The following PYGL variants were observed in gnomAD, a reference collection of about 807,000 sequenced individuals.
The protein encoded by PYGL is glycogen phosphorylase L, also known as glycogen phosphorylase, liver form.
A neutral mutation model predicts 100.1 loss-of-function variants in PYGL; 90 were observed. The ratio of observed to expected loss-of-function variants is 0.90; its 90% CI spans 0.76 to 1.07. PYGL has a LOEUF of 1.07. Ranked by LOEUF, PYGL falls within the 50% of genes least tolerant of loss-of-function variation. The probability of loss-of-function intolerance (pLI) is 0.00; values close to 1 mark genes in which losing one functional copy is unlikely to be tolerated. For synonymous variants in PYGL, 373 were observed against 393.0 expected (o/e 0.95, Z 0.60); for missense variants, 1,016 against 1,057.6 (o/e 0.96, Z 0.55).
chr14:50,936,506 CG>C (rs1317609465), intron 2 of PYGL, among the ~76,000 whole-genome samples: 1 of 152,204 alleles, frequency 6.6e-6, no homozygotes, highest in Non-Finnish European at 1.5e-5. Context: ...ATTCTAAAAA[CG>C]TAAGTCTAAA....
intron 17 of PYGL, 43 bp downstream of exon 17, chr14:50,909,852 G>C (rs370898666): frequency 6.2e-7 from 1 of 1,603,570 alleles, no homozygotes; most frequent in Non-Finnish European, 8.5e-7. Context: ...CCTTCTAGGG[G>C]GGAGGGGCAG....
At chr14:50,942,066 T>C (rs1193840248) in intron 1 of PYGL, among the ~76,000 whole-genome samples, 4 of 152,220 alleles carry the variant, frequency 2.6e-5, no homozygotes, top group African/African-American at 7.2e-5. Context: ...TGCACAGTTA[T>C]TGGAGAGCAA....
intron 16 of PYGL, among the ~76,000 whole-genome samples, chr14:50,910,720 C>T (rs925294218): frequency 2.6e-5 from 4 of 152,208 alleles, no homozygotes; most frequent in Admixed American, 6.5e-5. Context: ...TCCAGGACTC[C>T]TCTTTGGCAA....
rs767597181 is a variant in PYGL at position 50,923,991 on chromosome 14, C to T, written c.638G>A (p.Gly213Glu). 12 of 1,613,862 alleles carry T rather than the reference C, an allele frequency of 7.4e-6. No homozygotes were observed. The South Asian group carries it at 1.3e-4, about 18-fold the overall frequency. The change falls in exon 5 of 20, where the codon GGG becomes GAG. Residue 213 changes from glycine to glutamate, a missense_variant. By Grantham distance (98) the Gly-to-Glu change is moderately conservative. Transcript: ENST00000216392. The part of the protein sequence containing the change: ...FYGKVEHTNT[G>E]TKWIDTQVVL... ...TACTTGAGTGTCAATCCACTTGGTC[C>T]CGGTGTTGGTGTGTTCTACTTTTCC...
intron 3 of PYGL, among the ~76,000 whole-genome samples, chr14:50,932,560 T>A (rs2050611393): frequency 6.6e-6 from 1 of 152,218 alleles, no homozygotes; most frequent in Non-Finnish European, 1.5e-5. Flanking sequence ...TGCTGCTGAA[T>A]AAACCAGTCT....
chr14:50,919,483 C>G (rs892124664), intron 7 of PYGL, among the ~76,000 whole-genome samples: 17 of 152,136 alleles, frequency 1.1e-4, no homozygotes, highest in Admixed American at 7.2e-4. Flanking sequence ...GTCCTAGTCC[C>G]CCCAAGATCC....
intron 7 of PYGL, 145 bp downstream of exon 7, chr14:50,920,396 A>C: frequency 1.2e-6 from 1 of 821,768 alleles, no homozygotes; most frequent in Non-Finnish European, 2.0e-6. Context: ...TGGGAGGAGA[A>C]ATCTACACAA....
At chr14:50,925,290 C>T (rs549750569) in intron 4 of PYGL, among the ~76,000 whole-genome samples, 5 of 152,296 alleles carry the variant, frequency 3.3e-5, no homozygotes, top group African/African-American at 1.2e-4. Context: ...GCTCCATTAC[C>T]ATCTTATGGG....
chr14:50,931,660 ATG>A lies in PYGL; in HGVS notation c.528+11_528+12del, dbSNP rs756129575. 6.2e-6 allele frequency: 10 copies of A among 1,604,106 alleles called. No homozygotes were observed. In the South Asian group the frequency reaches 9.9e-5, roughly 16 times the overall value. ...TACCTTAATGACAAAATTTAAAAAG[ATG>A]GCTCACACACCTGCCATCCATCTCG... On this transcript the variant is annotated intron_variant, in intron 4 of 19. Coordinates refer to ENST00000216392, the MANE Select transcript of PYGL (RefSeq NM_002863.5).
At position 50,935,175 on chromosome 14, in the gene PYGL, TC is replaced by T; in HGVS notation, c.355del (p.Asp119IlefsTer2). The part of the protein sequence containing the change: ...CDEAIYQLGL[D>X]IEELEEIEED... ...TTCAATTTCTTCTAACTCTTCTATA[TC>T]CAATCCAAGCTGGTAATGAAAGGAA... On this transcript the variant is annotated frameshift_variant, in exon 3 of 20. Transcript: ENST00000216392. LOFTEE classifies it high-confidence loss of function. 1 of 1,611,666 alleles carries T rather than the reference TC, an allele frequency of 6.2e-7. No homozygotes were observed. Among genetic ancestry groups the T allele is most frequent in the Non-Finnish European group, 8.5e-7 (1 of 1,177,812 alleles).
intron 3 of PYGL, among the ~76,000 whole-genome samples, chr14:50,934,205 C>T (rs978577113): frequency 1.3e-5 from 2 of 152,142 alleles, no homozygotes; most frequent in Admixed American, 1.3e-4. Flanking sequence ...TGTATCCACA[C>T]ACAAAAAGGA....
intron 19 of PYGL, 78 bp downstream of exon 19, chr14:50,908,193 T>C: frequency 8.4e-7 from 1 of 1,188,020 alleles, no homozygotes; most frequent in Non-Finnish European, 1.3e-6. Context: ...ATCTGATATT[T>C]GCATTTAATT....
At chr14:50,918,840 C>T (rs2050475875) in intron 7 of PYGL, among the ~76,000 whole-genome samples, 1 of 152,082 alleles carries the variant, frequency 6.6e-6, no homozygotes, top group Non-Finnish European at 1.5e-5. Flanking sequence ...CAAATGTAAG[C>T]CTTGGACCAG....
At chr14:50,933,642 G>A (rs529238055) in intron 3 of PYGL, among the ~76,000 whole-genome samples, 7 of 152,188 alleles carry the variant, frequency 4.6e-5, no homozygotes, top group African/African-American at 1.7e-4. Context: ...CATCCCCTTT[G>A]ATCGCTATCC....
chr14:50,938,717 T>C (rs1369718879), intron 1 of PYGL, among the ~76,000 whole-genome samples: 3 of 152,184 alleles, frequency 2.0e-5, no homozygotes, highest in African/African-American at 7.2e-5. Context: ...TAATTCAGTA[T>C]TTTTTACCCC....
rs2050527112 is a variant in PYGL at position 50,924,172 on chromosome 14, T to C, written c.529-72A>G. 11 of 1,520,554 alleles carry C rather than the reference T, an allele frequency of 7.2e-6. No homozygotes were observed. The East Asian group carries it at 1.6e-4, about 23-fold the overall frequency. 94.2% of individuals were successfully genotyped at this position (1,520,554 alleles called of 1,614,324 possible). A position where few individuals can be genotyped will look rare whatever the true frequency, so the allele number is the denominator to read the frequency against. The stretch of plus-strand genomic sequence containing the variant: ...TGAACCTAGCACTTCAATTATATTA[T>C]ATTAAATTTAAAACATCTTTAACTG... On this transcript the variant is annotated intron_variant, in intron 4 of 19. Transcript: ENST00000216392.
At chr14:50,919,929 C>T (rs1289754304) in intron 7 of PYGL, among the ~76,000 whole-genome samples, 1 of 151,848 alleles carries the variant, frequency 6.6e-6, no homozygotes, top group African/African-American at 2.4e-5. Flanking sequence ...AATGATTTGC[C>T]CGCCTCAGAC....
At chr14:50,911,704 T>C (rs1405882067) in intron 16 of PYGL, 26 bp downstream of exon 16, 3 of 1,613,704 alleles carry the variant, frequency 1.9e-6, no homozygotes, top group African/African-American at 1.3e-5. Flanking sequence ...CCCTGGCCCC[T>C]GCATATTTTG....
chr14:50,910,660 C>T (rs3783276), intron 16 of PYGL, among the ~76,000 whole-genome samples: 84,955 of 151,918 alleles, frequency 0.56, 25,835 homozygotes, highest in African/African-American at 0.79. Flanking sequence ...TCTCCCTATG[C>T]TGCCCAGGCT....
Sources: gnomAD v4.1 joint callset for allele counts (sites outside exome capture counted in the v4.1 genomes callset) on GRCh38, gnomAD v4.1.1 for gene constraint, MANE v1.5 for transcripts, NCBI Gene and HGNC (gene_info 2026-07-23, HGNC 2026-07-21) for gene names.